ACOXL: variants seen among roughly 807,000 people sequenced by gnomAD.
ACOXL encodes the protein acyl-CoA oxidase like.
Under a neutral mutation model 71.9 loss-of-function variants are expected in ACOXL, and 70 were observed. The ratio of observed to expected loss-of-function variants is 0.97; its 90% CI spans 0.80 to 1.19. ACOXL has a LOEUF of 1.19. ACOXL is among the 50% of genes most tolerant of loss of function. The probability of loss-of-function intolerance (pLI) is 0.00; values close to 1 mark genes in which losing one functional copy is unlikely to be tolerated. For missense variants in ACOXL, 703 were observed against 736.3 expected (o/e 0.95, Z 0.52); for synonymous variants, 253 against 281.6 (o/e 0.90, Z 1.02).
chr2:110,937,119 A>G (rs952228315), intron 12 of ACOXL, among the ~76,000 whole-genome samples: 1 of 152,176 alleles, frequency 6.6e-6, no homozygotes, highest in Non-Finnish European at 1.5e-5. Flanking sequence ...ATGATCAATT[A>G]TTAACTCAGT....
chr2:110,801,861 C>A, intron 8 of ACOXL, 137 bp downstream of exon 8: 1 of 669,646 alleles, frequency 1.5e-6, no homozygotes, highest in Non-Finnish European at 2.6e-6. Context: ...TTGTTGACAA[C>A]TAATTGGAAA....
chr2:110,853,121 G>T (rs1692819228), intron 10 of ACOXL, among the ~76,000 whole-genome samples: 1 of 152,194 alleles, frequency 6.6e-6, no homozygotes, highest in Non-Finnish European at 1.5e-5. Flanking sequence ...CCATCTTGGT[G>T]GCTGTTTACT....
rs969472972 is a variant in ACOXL at position 111,117,789 on chromosome 2, G to C, written c.1716G>C (p.Arg572=). The change falls in exon 18 of 18, where the codon CGG becomes CGC. Residue 572 remains arginine, a synonymous_variant. Coordinates refer to ENST00000439055, the MANE Select transcript of ACOXL (RefSeq NM_001142807.4). The stretch of plus-strand genomic sequence containing the variant: ...GGCCACGGGAAGAGGCGCGCTCCCG[G>C]CGGCCCAAGCTGGGAGCCAAGCTCT... ...QPRPREEARS[R]RPKLGAKL is the part of the protein sequence containing the mutation. 13 of 1,550,338 alleles carry C rather than the reference G, an allele frequency of 8.4e-6. No individual in the cohort carries two copies. The African/African-American group carries it at 1.6e-4, about 20-fold the overall frequency.
intron 3 of ACOXL, among the ~76,000 whole-genome samples, chr2:110,789,711 C>T (rs1326134388): frequency 6.6e-6 from 1 of 152,212 alleles, no homozygotes; most frequent in African/African-American, 2.4e-5. Context: ...AGGGCTTTAA[C>T]ATATGAATTT....
At chr2:111,111,609 T>C (rs2150081808) in intron 17 of ACOXL, among the ~76,000 whole-genome samples, 1 of 152,334 alleles carries the variant, frequency 6.6e-6, no homozygotes, top group Non-Finnish European at 1.5e-5. Context: ...CTTTTTAAAC[T>C]TTTCCTCTTA....
intron 10 of ACOXL, among the ~76,000 whole-genome samples, chr2:110,898,916 A>G (rs2059122276): frequency 6.6e-6 from 1 of 152,230 alleles, no homozygotes; most frequent in Non-Finnish European, 1.5e-5. Context: ...TAAACATGCA[A>G]AAATCAATTA....
chr2:110,746,570 G>C (rs1425823133), intron 1 of ACOXL, among the ~76,000 whole-genome samples: 3 of 152,100 alleles, frequency 2.0e-5, no homozygotes, highest in Non-Finnish European at 4.4e-5. Context: ...CCATGAGGGG[G>C]CTTCCTCCAC....
intron 12 of ACOXL, among the ~76,000 whole-genome samples, chr2:110,944,347 C>CT (rs766852551): frequency 0.023 from 3,381 of 146,768 alleles, 49 homozygotes; most frequent in Middle Eastern, 0.036. Context: ...AGGCCTCATG[C>CT]TTTTTTTTTT....
chr2:111,059,801 AAGG>A (rs1305794437), intron 16 of ACOXL, among the ~76,000 whole-genome samples: 4 of 151,362 alleles, frequency 2.6e-5, no homozygotes, highest in African/African-American at 4.8e-5. Context: ...GGGGTAGAAG[AAGG>A]AGGAGGAGGA....
At chr2:110,818,011 C>A (rs1042676484) in intron 9 of ACOXL, among the ~76,000 whole-genome samples, 6 of 149,940 alleles carry the variant, frequency 4.0e-5, no homozygotes, top group Non-Finnish European at 8.9e-5. Context: ...CCTTTTACTG[C>A]CATAAAATGC....
intron 11 of ACOXL, among the ~76,000 whole-genome samples, chr2:110,915,418 A>T (rs1558721966): frequency 1.2e-4 from 16 of 130,024 alleles, no homozygotes; most frequent in African/African-American, 4.6e-4. Context: ...ATATATATAT[A>T]TATATATATA....
chr2:111,073,225 CA>C (rs1224890261), intron 16 of ACOXL, among the ~76,000 whole-genome samples: 4 of 152,154 alleles, frequency 2.6e-5, no homozygotes, highest in Non-Finnish European at 4.4e-5. Context: ...ATTTCCTTAT[CA>C]GTGCCTTTTG....
At chr2:111,021,797 C>T (rs1315745671) in intron 14 of ACOXL, among the ~76,000 whole-genome samples, 3 of 151,338 alleles carry the variant, frequency 2.0e-5, no homozygotes, top group Non-Finnish European at 4.4e-5. Context: ...GAGAGAACAC[C>T]ACAAGGAAAA....
Position 110,900,086 on chromosome 2 carries a change from TACACACACACACACAC to T in ACOXL, c.789-8674_789-8659del, listed in dbSNP as rs60758688. On this transcript the variant is annotated intron_variant, in intron 10 of 17. Transcript: ENST00000439055. ...GAAAGCTTTTCAACACACACACACA[TACACACACACACACAC>T]ACACACACACACACACACACACACA... is the stretch of plus-strand genomic sequence containing the variant. Among the ~76,000 whole-genome samples, 26 of 143,326 alleles carry T rather than the reference TACACACACACACACAC, an allele frequency of 1.8e-4. 1 individual carries two copies. The highest frequency in any genetic ancestry group is 6.7e-4 in the African/African-American group (25 of 37,312). 94.0% of individuals were successfully genotyped at this position (143,326 alleles called of 152,430 possible).
chr2:110,778,074 T>C (rs187320357), intron 2 of ACOXL, among the ~76,000 whole-genome samples: 9 of 152,352 alleles, frequency 5.9e-5, no homozygotes, highest in Non-Finnish European at 1.0e-4. Context: ...GCAGCGGCCA[T>C]GCCCAGTTGG....
chr2:110,784,343 G>A (rs1402788641), intron 2 of ACOXL, among the ~76,000 whole-genome samples: 1 of 152,186 alleles, frequency 6.6e-6, no homozygotes, highest in African/African-American at 2.4e-5. Flanking sequence ...GCAGGCTGTG[G>A]CACACATTGG....
At chr2:110,824,548 A>G (rs543805864) in intron 9 of ACOXL, among the ~76,000 whole-genome samples, 1 of 152,102 alleles carries the variant, frequency 6.6e-6, no homozygotes, top group East Asian at 1.9e-4. Flanking sequence ...GGTAATTTAT[A>G]TTAATGTCTT....
At chr2:111,091,268 T>C (rs1455795178) in intron 16 of ACOXL, among the ~76,000 whole-genome samples, 1 of 152,222 alleles carries the variant, frequency 6.6e-6, no homozygotes, top group Non-Finnish European at 1.5e-5. Context: ...CTACATCTTG[T>C]CCATCCTATT....
chr2:110,952,097 G>T (rs2061351990), intron 12 of ACOXL, among the ~76,000 whole-genome samples: 1 of 152,130 alleles, frequency 6.6e-6, no homozygotes, highest in Admixed American at 6.6e-5. Flanking sequence ...ATAATGATAA[G>T]GCTAAACAGA....
Sources: allele counts gnomAD v4.1 joint callset (sites outside exome capture counted in the v4.1 genomes callset), GRCh38; gene constraint gnomAD v4.1.1; transcripts MANE v1.5; gene names NCBI Gene and HGNC (gene_info 2026-07-23, HGNC 2026-07-21).